PAPPA2: variants seen among roughly 807,000 people sequenced by gnomAD.
The protein encoded by PAPPA2 is pappalysin 2.
PAPPA2 carries 86 observed loss-of-function variants against 176.4 expected under a neutral mutation model. The ratio of observed to expected loss-of-function variants is 0.49; its 90% CI spans 0.41 to 0.58. PAPPA2 has a LOEUF of 0.58. Among genes scored for constraint, PAPPA2 ranks in the 20% least tolerant of loss-of-function variants. The pLI is 0.00. For missense variants in PAPPA2, 2,073 were observed against 2,256.9 expected (o/e 0.92, Z 1.65); for synonymous variants, 809 against 852.2 (o/e 0.95, Z 0.88).
chr1:176,622,784 T>C (rs75929716), intron 3 of PAPPA2, among the ~76,000 whole-genome samples: 19,115 of 152,164 alleles, frequency 0.13, 1,469 homozygotes, highest in South Asian at 0.23. Flanking sequence ...TGGGATAAAA[T>C]AGTGTCTTAG....
In PAPPA2 at chr1:176,771,014, C is replaced by G; in HGVS notation, c.4549C>G (p.Pro1517Ala). ...TCLEDGLWSL[P>A]EVYCKLECDA... is the part of the protein sequence containing the mutation. ...TCTTGAAGATGGTCTCTGGTCTCTC[C>G]CTGAAGTCTACTGCAAGTTGGAGTG... Residue 1517 changes from proline (P) to alanine (A), a missense_variant, in exon 17 of 23, where the codon CCT becomes GCT. By Grantham distance (27) the Pro-to-Ala change is conservative. Around this residue, in one of 4 missense-constraint regions of PAPPA2, gnomAD observed 846 missense variants for 857.9 expected, o/e 0.99. Transcript: ENST00000367662. 6.2e-7 allele frequency: 1 copy of G among 1,614,124 alleles called. No homozygotes were observed. Among genetic ancestry groups the G allele is most frequent in the Non-Finnish European group, 8.5e-7 (1 of 1,180,020 alleles).
chr1:176,504,465 T>G (rs1286306481), intron 1 of PAPPA2, among the ~76,000 whole-genome samples: 1 of 152,150 alleles, frequency 6.6e-6, no homozygotes, highest in East Asian at 1.9e-4. Context: ...CTTAACTATA[T>G]TTTCATGGTA....
intron 3 of PAPPA2, among the ~76,000 whole-genome samples, chr1:176,627,640 A>G (rs945715271): frequency 6.6e-6 from 1 of 152,226 alleles, no homozygotes; most frequent in African/African-American, 2.4e-5. Context: ...ATCCTTCCCT[A>G]TAAGAAAAAC....
intron 12 of PAPPA2, among the ~76,000 whole-genome samples, chr1:176,712,931 G>A (rs1335719787): frequency 6.6e-6 from 1 of 152,016 alleles, no homozygotes. Context: ...AATGAGATTG[G>A]GAGGCTTTCA....
chr1:176,598,375 T>G (rs746600045), intron 3 of PAPPA2, among the ~76,000 whole-genome samples: 3 of 152,136 alleles, frequency 2.0e-5, no homozygotes, highest in Non-Finnish European at 4.4e-5. Context: ...CAGACAAGAC[T>G]AACTCTCTTA....
chr1:176,616,847 A>G, intron 3 of PAPPA2: 2 of 557,506 alleles, frequency 3.6e-6, no homozygotes, highest in Non-Finnish European at 3.2e-6. Context: ...AATTGAATAC[A>G]GAAATGATTC....
chr1:176,556,783 A>G lies in PAPPA2; in HGVS notation c.461A>G (p.Lys154Arg). 6.2e-7 allele frequency: 1 copy of G among 1,614,162 alleles called. No homozygotes were observed. Among genetic ancestry groups the G allele is most frequent in the Non-Finnish European group, 8.5e-7 (1 of 1,180,022 alleles). ...GCTTATCTCGGCAATCAAAGATCCA[A>G]GGAGTCTCTAGGTGAGGCCGGGATT... is the stretch of plus-strand genomic sequence containing the variant. ...DDAYLGNQRS[K>R]ESLGEAGIQK... The change falls in exon 2 of 23, where the codon AAG (lysine) becomes AGG (arginine). Residue 154 changes from lysine to arginine, a missense_variant. Around this residue, in one of 4 missense-constraint regions of PAPPA2, gnomAD observed 1,196 missense variants for 1,330.4 expected, o/e 0.90. Transcript: ENST00000367662.
intron 1 of PAPPA2, among the ~76,000 whole-genome samples, chr1:176,477,808 C>T (rs1258123314): frequency 6.6e-6 from 1 of 151,692 alleles, no homozygotes; most frequent in African/African-American, 2.4e-5. Context: ...AATATGCTGG[C>T]CTAGACATAC....
At chr1:176,491,658 T>A (rs1174737337) in intron 1 of PAPPA2, among the ~76,000 whole-genome samples, 1 of 152,248 alleles carries the variant, frequency 6.6e-6, no homozygotes, top group African/African-American at 2.4e-5. Flanking sequence ...TGCTATTTTA[T>A]ATGTATGGTA....
At chr1:176,487,641 T>A (rs1281206141) in intron 1 of PAPPA2, among the ~76,000 whole-genome samples, 1 of 152,178 alleles carries the variant, frequency 6.6e-6, no homozygotes, top group Non-Finnish European at 1.5e-5. Context: ...GAATTCATTG[T>A]CTTGACTCTA....
At chr1:176,573,854 G>A (rs1652492265) in intron 2 of PAPPA2, among the ~76,000 whole-genome samples, 2 of 152,076 alleles carry the variant, frequency 1.3e-5, no homozygotes, top group South Asian at 2.1e-4. Context: ...TTCAGAGGGG[G>A]GCACTGTGGG....
intron 2 of PAPPA2, among the ~76,000 whole-genome samples, chr1:176,570,938 TCC>T (rs1284387638): frequency 2.0e-5 from 3 of 152,098 alleles, no homozygotes; most frequent in Non-Finnish European, 4.4e-5. Context: ...ACTGCTGCTG[TCC>T]TCTCTTCCAC....
In PAPPA2 at chr1:176,791,431, C is replaced by G. The variant is rs771415361; in HGVS notation, c.4969C>G (p.Pro1657Ala). ...ENLQGECPPP[P>A]SELNSVEYKC... The stretch of plus-strand genomic sequence containing the variant: ...TCTGCAAGGAGAATGCCCACCACCC[C>G]CCTCAGAGCTGAATTCTGTGGAGTA... The change falls in exon 19 of 23, where the codon CCC (proline) becomes GCC (alanine). Residue 1657 changes from proline to alanine, a missense_variant. By Grantham distance (27) the Pro-to-Ala change is conservative. Transcript: ENST00000367662. 2.2e-5 allele frequency: 35 copies of G among 1,613,698 alleles called. 1 individual carries two copies. Among genetic ancestry groups the G allele is most frequent in the East Asian group, 2.0e-4 (9 of 44,864 alleles).
At chr1:176,787,715 C>T (rs955513472) in intron 17 of PAPPA2, among the ~76,000 whole-genome samples, 2 of 151,738 alleles carry the variant, frequency 1.3e-5, no homozygotes, top group African/African-American at 2.4e-5. Context: ...GTGAGGTCTT[C>T]GAGAAATTAC....
intron 6 of PAPPA2, 47 bp from the exon 7 acceptor site, chr1:176,695,691 C>G (rs1249589464): frequency 6.2e-7 from 1 of 1,605,006 alleles, no homozygotes; most frequent in Admixed American, 1.7e-5. Flanking sequence ...CCCAACTCAT[C>G]TGATGGACTC....
intron 8 of PAPPA2, among the ~76,000 whole-genome samples, chr1:176,701,620 G>A (rs1660653564): frequency 6.6e-6 from 1 of 152,172 alleles, no homozygotes; most frequent in East Asian, 1.9e-4. Flanking sequence ...CTGGTTGCTG[G>A]TTGCTGCATC....
intron 21 of PAPPA2, among the ~76,000 whole-genome samples, chr1:176,821,113 C>CAGGTCCATT (rs1455956868): frequency 6.6e-6 from 1 of 152,186 alleles, no homozygotes; most frequent in East Asian, 1.9e-4. Context: ...ATCACTGCTT[C>CAGGTCCATT]AGGTCCATTT....
intron 12 of PAPPA2, among the ~76,000 whole-genome samples, chr1:176,728,303 G>A (rs1413362941): frequency 1.3e-5 from 2 of 151,882 alleles, no homozygotes; most frequent in Non-Finnish European, 2.9e-5. Context: ...ATTTTAGTTA[G>A]CATTGAAAAG....
intron 3 of PAPPA2, among the ~76,000 whole-genome samples, chr1:176,611,188 G>A (rs898150095): frequency 6.6e-6 from 1 of 152,142 alleles, no homozygotes; most frequent in African/African-American, 2.4e-5. Context: ...TGGGATTTGA[G>A]GTTGTTTTTG....
Sources: gnomAD v4.1 joint callset for allele counts (sites outside exome capture counted in the v4.1 genomes callset) on GRCh38, gnomAD v4.1.1 for gene constraint, gnomAD v4.1.1 regional missense constraint, MANE v1.5 for transcripts, NCBI Gene and HGNC (gene_info 2026-07-23, HGNC 2026-07-21) for gene names.